The following CRADD variants were observed in gnomAD, a reference collection of about 807,000 sequenced individuals.
CRADD encodes death domain-containing protein CRADD.
CRADD carries 9 observed loss-of-function variants against 15.5 expected under a neutral mutation model. The ratio of observed to expected loss-of-function variants is 0.58; its 90% CI spans 0.35 to 1.01. CRADD has a LOEUF of 1.01. CRADD is among the 50% of genes least tolerant of loss of function. The pLI is 0.02. For missense variants in CRADD, 227 were observed against 250.3 expected, an observed-to-expected ratio of 0.91 and a Z score of 0.63; for synonymous variants, 118 against 107.6, an observed-to-expected ratio of 1.10 and a Z score of -0.60.
chr12:93,737,867 T>G (rs1395550889), intron 2 of CRADD: 1 of 172,648 alleles, frequency 5.8e-6, no homozygotes, highest in East Asian at 1.5e-4. Context: ...GCATGCTTTT[T>G]ATGGAACAGG....
intron 2 of CRADD, among the ~76,000 whole-genome samples, chr12:93,733,002 G>T (rs941737132): frequency 6.6e-6 from 1 of 152,166 alleles, no homozygotes; most frequent in Non-Finnish European, 1.5e-5. Context: ...AAATCATTCT[G>T]CTCTGTGCCT....
intron 2 of CRADD, among the ~76,000 whole-genome samples, chr12:93,794,809 C>A (rs186683435): frequency 7.5e-4 from 114 of 152,330 alleles, no homozygotes; most frequent in African/African-American, 2.6e-3. Context: ...CTGCCCCACC[C>A]TGCCAGGACT....
chr12:93,726,107 T>G (rs182000132), intron 2 of CRADD, among the ~76,000 whole-genome samples: 9 of 148,884 alleles, frequency 6.0e-5, no homozygotes, highest in Middle Eastern at 3.4e-3. Context: ...TTTTTTTTTT[T>G]TTTTTTTTTT....
At chr12:93,849,353 A>C (rs1025485763) in intron 2 of CRADD, 1 of 152,338 alleles carries the variant, frequency 6.6e-6, no homozygotes, top group East Asian at 1.9e-4. Context: ...GTAACCCTTC[A>C]TGTGTGTTTT....
intron 2 of CRADD, among the ~76,000 whole-genome samples, chr12:93,772,873 C>T (rs188758972): frequency 2.6e-5 from 4 of 152,190 alleles, no homozygotes; most frequent in Admixed American, 1.3e-4. Flanking sequence ...TATGTAGGAG[C>T]GGCACCTGCA....
rs114113875 is a variant in CRADD at position 93,721,256 on chromosome 12, G to C, written c.298+42184G>C. Among the ~76,000 whole-genome samples, 1,260 of 152,138 alleles carry C rather than the reference G, an allele frequency of 8.3e-3. 43 individuals carry two copies. The East Asian group carries it at 0.089, about 11-fold the overall frequency. On this transcript the variant is annotated intron_variant, in intron 2 of 2. Transcript: ENST00000332896. Reference sequence around the variant, plus strand: ...TTTTGTTTTTTTAAACTTTTTTAAAGTGGTTTCCCTAGAAGTTTGCTGTAT... The same window carrying C: ...TTTTGTTTTTTTAAACTTTTTTAAACTGGTTTCCCTAGAAGTTTGCTGTAT...
At chr12:93,811,171 A>G (rs1957622482) in intron 2 of CRADD, among the ~76,000 whole-genome samples, 4 of 152,194 alleles carry the variant, frequency 2.6e-5, no homozygotes, top group Admixed American at 2.6e-4. Context: ...GTTTCATGGC[A>G]TGATAATGCA....
intron 2 of CRADD, among the ~76,000 whole-genome samples, chr12:93,750,503 C>G (rs1956817149): frequency 6.6e-6 from 1 of 152,066 alleles, no homozygotes. Flanking sequence ...AGAATATTCA[C>G]ATACTACATA....
At chr12:93,700,518 C>T (rs1029403271) in intron 2 of CRADD, among the ~76,000 whole-genome samples, 3 of 152,086 alleles carry the variant, frequency 2.0e-5, no homozygotes, top group Admixed American at 1.3e-4. Context: ...ACAAGCTCTG[C>T]CTCCTGGGTT....
chr12:93,700,004 G>A (rs1955804454), intron 2 of CRADD, among the ~76,000 whole-genome samples: 1 of 152,184 alleles, frequency 6.6e-6, no homozygotes, highest in South Asian at 2.1e-4. Flanking sequence ...GAATAAAGTA[G>A]GGAGTGCTTC....
intron 2 of CRADD, among the ~76,000 whole-genome samples, chr12:93,828,928 G>C (rs1003771557): frequency 4.6e-5 from 7 of 152,198 alleles, no homozygotes; most frequent in Admixed American, 2.0e-4. Flanking sequence ...CCAGGGGGAT[G>C]TGTTCATGGG....
chr12:93,865,347 C>T (rs1367748331), intron 2 of CRADD, among the ~76,000 whole-genome samples: 1 of 152,170 alleles, frequency 6.6e-6, no homozygotes, highest in African/African-American at 2.4e-5. Context: ...GAAAGCAATA[C>T]CTATGGATGC....
chr12:93,775,681 C>A (rs1957133512), intron 2 of CRADD, among the ~76,000 whole-genome samples: 1 of 152,140 alleles, frequency 6.6e-6, no homozygotes, highest in Non-Finnish European at 1.5e-5. Flanking sequence ...TAGTGCTTTG[C>A]TGAGAATGTG....
chr12:93,838,201 T>C (rs7314748), intron 2 of CRADD, among the ~76,000 whole-genome samples: 69,354 of 147,690 alleles, frequency 0.47, 16,573 homozygotes, highest in East Asian at 0.77. Context: ...TTCTAATTAG[T>C]TTTCCTTTTG....
At chr12:93,781,935 C>T (rs1380608601) in intron 2 of CRADD, among the ~76,000 whole-genome samples, 4 of 152,094 alleles carry the variant, frequency 2.6e-5, no homozygotes, top group African/African-American at 4.8e-5. Flanking sequence ...ATCAGTGTGG[C>T]GATTCCTCAG....
intron 2 of CRADD, among the ~76,000 whole-genome samples, chr12:93,757,036 G>A (rs1196834037): frequency 1.3e-5 from 2 of 152,150 alleles, no homozygotes; most frequent in African/African-American, 2.4e-5. Flanking sequence ...TCATTTAAGG[G>A]ATGAATGAAT....
chr12:93,881,671 G>A (rs1197005138), intron 2 of CRADD, among the ~76,000 whole-genome samples: 1 of 152,146 alleles, frequency 6.6e-6, no homozygotes, highest in African/African-American at 2.4e-5. Context: ...AAGTAAAGAA[G>A]ACTTGTACTA....
intron 2 of CRADD, among the ~76,000 whole-genome samples, chr12:93,726,094 GTT>G (rs1165429350): frequency 8.2e-4 from 79 of 96,040 alleles, no homozygotes; most frequent in South Asian, 1.2e-3. Context: ...AAATAGTTTA[GTT>G]TTTTTTTTTT....
At chr12:93,875,604 T>C (rs1958452894) in intron 2 of CRADD, among the ~76,000 whole-genome samples, 1 of 152,050 alleles carries the variant, frequency 6.6e-6, no homozygotes, top group South Asian at 2.1e-4. Context: ...CCACAAAGCT[T>C]GCAGATACTC....
Sources: allele counts gnomAD v4.1 joint callset (sites outside exome capture counted in the v4.1 genomes callset), GRCh38; gene constraint gnomAD v4.1.1; transcripts MANE v1.5; gene names NCBI Gene and HGNC (gene_info 2026-07-23, HGNC 2026-07-21).